The following B4GALT4 variants were observed in gnomAD, a reference collection of about 807,000 sequenced individuals.
B4GALT4 encodes N-acetyllactosamine synthase.
A neutral mutation model predicts 37.3 loss-of-function variants in B4GALT4; 27 were observed. The observed-to-expected ratio is 0.72, with a 90% CI of 0.53 to 1.00. The LOEUF is 1.00. B4GALT4 is among the 50% of genes least tolerant of loss of function. The pLI, the probability that B4GALT4 is intolerant of heterozygous loss-of-function variation, is 0.00. For missense variants in B4GALT4, 372 were observed against 413.1 expected (o/e 0.90, Z 0.86); for synonymous variants, 148 against 154.1 (o/e 0.96, Z 0.29).
intron 3 of B4GALT4, among the ~76,000 whole-genome samples, chr3:119,227,894 T>C (rs1304855630): frequency 6.6e-6 from 1 of 152,206 alleles, no homozygotes; most frequent in African/African-American, 2.4e-5. Flanking sequence ...CCATGGCTGC[T>C]TAGACCAGGC....
chr3:119,212,923 G>GCC, intron 7 of B4GALT4: 1 of 434,000 alleles, frequency 2.3e-6, no homozygotes, highest in South Asian at 3.5e-5. Context: ...CACTCAGTGA[G>GCC]CCCCCAGTCT....
intron 2 of B4GALT4, among the ~76,000 whole-genome samples, chr3:119,231,188 T>C (rs2078802465): frequency 6.6e-6 from 1 of 152,162 alleles, no homozygotes; most frequent in Non-Finnish European, 1.5e-5. Context: ...GATGGGATAA[T>C]ATGAATTCAC....
chr3:119,229,585 T>C (rs1473072571), intron 3 of B4GALT4, among the ~76,000 whole-genome samples: 1 of 152,190 alleles, frequency 6.6e-6, no homozygotes, highest in African/African-American at 2.4e-5. Flanking sequence ...GTTCCTATGG[T>C]TCCAGCAAGA....
chr3:119,235,706 T>C (rs1429271976), intron 2 of B4GALT4, among the ~76,000 whole-genome samples: 1 of 152,168 alleles, frequency 6.6e-6, no homozygotes, highest in Admixed American at 6.5e-5. Flanking sequence ...AGTGGTTCCC[T>C]GGGCAGGGTA....
Position 119,216,290 on chromosome 3 carries a change from A to T in B4GALT4, c.852T>A (p.Tyr284Ter). ...TGTCTCTAGTGTGGAAGACCATTGTATATTTACCCACTTCAGGCAGGGGCC... is the reference window on the plus strand; with the variant it reads ...TGTCTCTAGTGTGGAAGACCATTGTTTATTTACCCACTTCAGGCAGGGGCC... Reference protein sequence around the residue: ...ISRPLPEVGKYTMVFHTRDKG... With the variant: ...ISRPLPEVGK Residue 284 changes from tyrosine (Y) to a stop codon, truncating the protein, a stop_gained, in exon 7 of 8, where the codon TAT (tyrosine) becomes TAA (stop). Transcript: ENST00000393765. LOFTEE classifies it high-confidence loss of function. 1.2e-6 allele frequency: 2 copies of T among 1,613,928 alleles called. No homozygotes were observed. Among genetic ancestry groups the T allele is most frequent in the Non-Finnish European group, 8.5e-7 (1 of 1,179,910 alleles).
intron 4 of B4GALT4, among the ~76,000 whole-genome samples, chr3:119,226,104 T>C (rs557105924): frequency 8.0e-5 from 12 of 150,882 alleles, no homozygotes; most frequent in African/African-American, 3.0e-4. Flanking sequence ...CAAGGATAAC[T>C]GTGAAAAGTT....
At chr3:119,226,763 A>G in intron 4 of B4GALT4, 46 bp downstream of exon 4, 3 of 1,525,834 alleles carry the variant, frequency 2.0e-6, no homozygotes, top group Non-Finnish European at 2.7e-6. Context: ...AGTCTGGCAG[A>G]GAAGAGGAGG....
chr3:119,227,540 AAAG>A (rs1255032122), intron 3 of B4GALT4, among the ~76,000 whole-genome samples: 1 of 152,162 alleles, frequency 6.6e-6, no homozygotes, highest in Non-Finnish European at 1.5e-5. Flanking sequence ...AAAGCACTAA[AAAG>A]AAGTAGAAAC....
Position 119,224,126 on chromosome 3 carries a change from G to GTCATTC in B4GALT4, c.600_605dup (p.Glu200_Asn201dup). 6.2e-7 allele frequency: 1 copy of GTCATTC among 1,614,108 alleles called. No homozygotes were observed. The highest frequency in any genetic ancestry group is 8.5e-7 in the Non-Finnish European group (1 of 1,180,030). Reference sequence around the variant, plus strand: ...GCTCCTCACACTTGTAAAGGTTAAAGTCATTCTCGGGTACCAGGTCCACAT... The same window carrying GTCATTC: ...GCTCCTCACACTTGTAAAGGTTAAAGTCATTCTCATTCTCGGGTACCAGGTCCACAT... On this transcript the variant is annotated inframe_insertion, in exon 5 of 8. Transcript: ENST00000393765.
chr3:119,224,218 T>C lies in B4GALT4; in HGVS notation c.514A>G (p.Lys172Glu). 6.2e-7 allele frequency: 1 copy of C among 1,609,992 alleles called. No individual in the cohort carries two copies. Among genetic ancestry groups the C allele is most frequent in the Non-Finnish European group, 8.5e-7 (1 of 1,178,830 alleles). Reference sequence around the variant, plus strand: ...TCTAGATAGCCCACATTCAAGAGTTTGGCTCGATTAAACTTTTTACCTTCA... The same window carrying C: ...TCTAGATAGCCCACATTCAAGAGTTCGGCTCGATTAAACTTTTTACCTTCA... ...QAEGKKFNRA[K>E]LLNVGYLEAL... Residue 172 changes from lysine (K) to glutamate (E), a missense_variant, in exon 5 of 8, where the codon AAA becomes GAA. By Grantham distance (56) the Lys-to-Glu change is moderately conservative. Transcript: ENST00000393765.
intron 5 of B4GALT4, among the ~76,000 whole-genome samples, chr3:119,223,569 G>C (rs1164565894): frequency 6.6e-6 from 1 of 152,126 alleles, no homozygotes; most frequent in African/African-American, 2.4e-5. Context: ...CTTGTCCTGG[G>C]TGTCCTGGCT....
Position 119,212,148 on chromosome 3 carries a change from GACGAGA to G in B4GALT4, c.*395_*400del, listed in dbSNP as rs1382346284. ...TGTATCTTCGTACCTTTCTACCTTG[GACGAGA>G]ACAACTCTGGTTCTCTCAGACATTC... On this transcript the variant is annotated 3_prime_UTR_variant, in exon 8 of 8. Coordinates refer to ENST00000393765, the MANE Select transcript of B4GALT4 (RefSeq NM_003778.4). The G allele has an allele frequency of 1.4e-6, 1 of 702,954 alleles. No individual in the cohort carries two copies. The highest frequency in any genetic ancestry group is 2.0e-5 in the Admixed American group (1 of 50,016). 43.5% of individuals were successfully genotyped at this position (702,954 alleles called of 1,614,324 possible).
At chr3:119,223,238 C>T (rs1193756269) in intron 5 of B4GALT4, among the ~76,000 whole-genome samples, 1 of 152,216 alleles carries the variant, frequency 6.6e-6, no homozygotes, top group Admixed American at 6.5e-5. Flanking sequence ...ACGGGGAGCC[C>T]TGTGAGGGCA....
At chr3:119,218,890 T>C (rs1201763144) in intron 5 of B4GALT4, 118 bp from the exon 6 acceptor site, 5 of 1,242,142 alleles carry the variant, frequency 4.0e-6, no homozygotes, top group Non-Finnish European at 5.6e-6. Context: ...CCACTCCTGC[T>C]TCTCCTGCTT....
intron 5 of B4GALT4, 65 bp from the exon 6 acceptor site, chr3:119,218,837 T>C (rs750722323): frequency 3.7e-5 from 59 of 1,591,432 alleles, no homozygotes; most frequent in Non-Finnish European, 5.0e-5. Flanking sequence ...ATTTCAGGGC[T>C]GGCGTTCTAG....
chr3:119,224,601 C>T (rs1428975891), intron 4 of B4GALT4, among the ~76,000 whole-genome samples: 1 of 152,136 alleles, frequency 6.6e-6, no homozygotes, highest in African/African-American at 2.4e-5. Flanking sequence ...TGCATAGATA[C>T]ATTGCATGTA....
At chr3:119,227,355 G>A (rs995050868) in intron 3 of B4GALT4, among the ~76,000 whole-genome samples, 1 of 152,134 alleles carries the variant, frequency 6.6e-6, no homozygotes, top group Non-Finnish European at 1.5e-5. Flanking sequence ...AGAGCAAAGG[G>A]CAGGGCTAGA....
intron 3 of B4GALT4, among the ~76,000 whole-genome samples, chr3:119,229,406 G>A (rs959153327): frequency 6.6e-6 from 1 of 152,240 alleles, no homozygotes; most frequent in Admixed American, 6.5e-5. Context: ...AACCATAGCT[G>A]CACGCAACCA....
chr3:119,231,791 T>G (rs1026125500), intron 2 of B4GALT4, among the ~76,000 whole-genome samples: 2 of 141,886 alleles, frequency 1.4e-5, no homozygotes, highest in African/African-American at 5.1e-5. Flanking sequence ...ATAGTATATT[T>G]TATAAAATAT....
Sources: gnomAD v4.1 joint callset for allele counts (sites outside exome capture counted in the v4.1 genomes callset) on GRCh38, gnomAD v4.1.1 for gene constraint, MANE v1.5 for transcripts, NCBI Gene and HGNC (gene_info 2026-07-23, HGNC 2026-07-21) for gene names.